SDC2: variants seen among roughly 807,000 people sequenced by gnomAD.
The protein encoded by SDC2 is syndecan-2.
A neutral mutation model predicts 22.2 loss-of-function variants in SDC2; 13 were observed. The observed-to-expected ratio is 0.59, with a 90% CI of 0.38 to 0.93. The LOEUF (loss-of-function observed/expected upper bound fraction) is 0.93. SDC2 is among the 40% of genes least tolerant of loss of function. The pLI is 0.00. For synonymous variants in SDC2, 94 were observed against 92.8 expected (o/e 1.01, Z -0.07); for missense variants, 235 against 246.8 (o/e 0.95, Z 0.32).
At chr8:96,512,548 T>C (rs113808633) in intron 1 of SDC2, among the ~76,000 whole-genome samples, 1,637 of 152,172 alleles carry the variant, frequency 0.011, 29 homozygotes, top group African/African-American at 0.037. Context: ...CAGAGAGACC[T>C]TTACCTCACT....
chr8:96,515,128 T>C (rs1813383223), intron 1 of SDC2, among the ~76,000 whole-genome samples: 1 of 152,236 alleles, frequency 6.6e-6, no homozygotes, highest in Non-Finnish European at 1.5e-5. Context: ...TACCTCAGTT[T>C]CCCTTTTTGT....
chr8:96,584,936 A>T (rs1171076418), intron 1 of SDC2: 1 of 152,214 alleles, frequency 6.6e-6, no homozygotes, highest in Non-Finnish European at 1.5e-5. Context: ...TGTTGTTGCC[A>T]GAAAATTTAA....
At chr8:96,607,018 G>A (rs749702889) in intron 3 of SDC2, among the ~76,000 whole-genome samples, 1 of 152,166 alleles carries the variant, frequency 6.6e-6, no homozygotes, top group East Asian at 1.9e-4. Flanking sequence ...CAGTGGAGGC[G>A]TGCCATTCCC....
chr8:96,567,421 G>A (rs1463622929), intron 1 of SDC2, among the ~76,000 whole-genome samples: 1 of 152,200 alleles, frequency 6.6e-6, no homozygotes. Flanking sequence ...AATCGTGTGT[G>A]ACGAAGTCTA....
intron 1 of SDC2, among the ~76,000 whole-genome samples, chr8:96,589,164 G>A (rs1409283739): frequency 6.6e-6 from 1 of 152,128 alleles, no homozygotes; most frequent in Non-Finnish European, 1.5e-5. Flanking sequence ...CATCAAATGT[G>A]GAAGGCCTAA....
At chr8:96,552,294 G>T (rs1246515940) in intron 1 of SDC2, among the ~76,000 whole-genome samples, 2 of 152,128 alleles carry the variant, frequency 1.3e-5, no homozygotes, top group Non-Finnish European at 2.9e-5. Context: ...GAGGCCCTGA[G>T]GAACTTCTCT....
intron 1 of SDC2, among the ~76,000 whole-genome samples, chr8:96,528,814 T>A (rs1031309082): frequency 6.6e-6 from 1 of 152,192 alleles, no homozygotes; most frequent in Non-Finnish European, 1.5e-5. Context: ...TTATGATCCT[T>A]AATATCCCAG....
At chr8:96,556,155 A>C (rs1361157566) in intron 1 of SDC2, among the ~76,000 whole-genome samples, 1 of 152,210 alleles carries the variant, frequency 6.6e-6, no homozygotes, top group East Asian at 1.9e-4. Context: ...TATTTTTGTA[A>C]TGTTATTTCA....
At chr8:96,514,910 C>T (rs563003820) in intron 1 of SDC2, among the ~76,000 whole-genome samples, 3 of 152,128 alleles carry the variant, frequency 2.0e-5, no homozygotes, top group Non-Finnish European at 4.4e-5. Context: ...TCTGTGGCCC[C>T]GGGGGTCGGG....
intron 1 of SDC2, among the ~76,000 whole-genome samples, chr8:96,511,379 C>T (rs1813325015): frequency 6.6e-6 from 1 of 152,142 alleles, no homozygotes; most frequent in African/African-American, 2.4e-5. Flanking sequence ...CTTTAGAAAT[C>T]CAGGCTATCA....
intron 2 of SDC2, among the ~76,000 whole-genome samples, chr8:96,600,197 A>G (rs1217992600): frequency 6.6e-6 from 1 of 152,144 alleles, no homozygotes; most frequent in Admixed American, 6.5e-5. Flanking sequence ...TGTTTCCAGC[A>G]TGTGTTGCTT....
chr8:96,581,470 A>C (rs1043192661), intron 1 of SDC2, among the ~76,000 whole-genome samples: 2 of 152,170 alleles, frequency 1.3e-5, no homozygotes, highest in Non-Finnish European at 2.9e-5. Flanking sequence ...TCTCTACTAA[A>C]AATACAAAAA....
At chr8:96,607,255 G>C (rs1041476290) in intron 3 of SDC2, among the ~76,000 whole-genome samples, 1 of 152,108 alleles carries the variant, frequency 6.6e-6, no homozygotes, top group Non-Finnish European at 1.5e-5. Flanking sequence ...GGTGGGTTGG[G>C]TGAGGACTGG....
chr8:96,575,136 G>C (rs769202745), intron 1 of SDC2, among the ~76,000 whole-genome samples: 13 of 152,154 alleles, frequency 8.5e-5, no homozygotes, highest in Non-Finnish European at 1.8e-4. Context: ...TTGGTCTGTG[G>C]CCTGGGGGTT....
intron 1 of SDC2, among the ~76,000 whole-genome samples, chr8:96,571,072 T>G (rs1563665792): frequency 6.6e-6 from 1 of 152,214 alleles, no homozygotes; most frequent in African/African-American, 2.4e-5. Context: ...TAGGTATATT[T>G]TACTACAACT....
intron 1 of SDC2, among the ~76,000 whole-genome samples, chr8:96,530,205 G>C (rs888176886): frequency 1.7e-4 from 26 of 152,274 alleles, no homozygotes; most frequent in African/African-American, 6.3e-4. Context: ...ATGGGGTGGA[G>C]TGCATGTGGG....
chr8:96,508,849 TTAATG>T lies in SDC2; in HGVS notation c.60+14521_60+14525del, dbSNP rs754775091. On this transcript the variant is annotated intron_variant, in intron 1 of 4. Transcript: ENST00000302190. ...AGTGTCTAACTGTATCACCAACTGT[TTAATG>T]TAGTCCAATGGGTACAACCCTGGAT... Among the ~76,000 whole-genome samples the T allele has an allele frequency of 6.3e-5, 9 of 142,078 alleles. 2 individuals carry two copies. Among genetic ancestry groups the T allele is most frequent in the Non-Finnish European group, 1.4e-4 (9 of 62,358 alleles). 93.2% of individuals were successfully genotyped at this position (142,078 alleles called of 152,430 possible).
intron 1 of SDC2, among the ~76,000 whole-genome samples, chr8:96,516,676 A>G (rs1353391410): frequency 1.2e-4 from 19 of 152,186 alleles, no homozygotes. Context: ...AAGTGGAATC[A>G]TGTAATATAT....
chr8:96,508,868 A>G (rs2589186), intron 1 of SDC2, among the ~76,000 whole-genome samples: 14,067 of 141,812 alleles, frequency 0.099, 2,605 homozygotes, highest in African/African-American at 0.2. Context: ...TCCAATGGGT[A>G]CAACCCTGGA....
Sources: gnomAD v4.1 joint callset for allele counts (sites outside exome capture counted in the v4.1 genomes callset) on GRCh38, gnomAD v4.1.1 for gene constraint, MANE v1.5 for transcripts, NCBI Gene and HGNC (gene_info 2026-07-23, HGNC 2026-07-21) for gene names.